KIF1A: variants seen among roughly 807,000 people sequenced by gnomAD.
KIF1A encodes kinesin-like protein KIF1A.
In KIF1A, 46 loss-of-function variants were observed where a neutral mutation model predicts 227.3. The observed-to-expected ratio is 0.20, with a 90% CI of 0.16 to 0.26. The LOEUF (loss-of-function observed/expected upper bound fraction) is 0.26. Among genes scored for constraint, KIF1A ranks in the 10% least tolerant of loss-of-function variants. The pLI is 1.00. For synonymous variants in KIF1A, 1,022 were observed against 1,012.8 expected (o/e 1.01, Z -0.17); for missense variants, 1,683 against 2,485.9 (o/e 0.68, Z 6.87).
chr2:240,750,575 G>A, intron 27 of KIF1A, 28 bp from the exon 28 acceptor site: 1 of 1,512,820 alleles, frequency 6.6e-7, no homozygotes, highest in Non-Finnish European at 9.2e-7. Context: ...CGGCGGTCAT[G>A]GGCCACCCCT....
At chr2:240,762,128 G>A (rs1295351827) in intron 23 of KIF1A, among the ~76,000 whole-genome samples, 1 of 147,892 alleles carries the variant, frequency 6.8e-6, no homozygotes, top group Non-Finnish European at 1.5e-5. Flanking sequence ...GGCCAAACAG[G>A]GGAAGATACC....
intron 10 of KIF1A, among the ~76,000 whole-genome samples, chr2:240,779,033 TCCACACTCAGTC>T (rs2053164546): frequency 6.6e-6 from 1 of 151,836 alleles, no homozygotes; most frequent in Non-Finnish European, 1.5e-5. Context: ...CACACTCAGT[TCCACACTCAGTC>T]CCTCACTCAG....
chr2:240,802,191 A>G (rs2057034159), intron 1 of KIF1A, among the ~76,000 whole-genome samples: 2 of 152,116 alleles, frequency 1.3e-5, no homozygotes, highest in African/African-American at 4.8e-5. Context: ...AAAAGACAAG[A>G]CTGCAAGATT....
In KIF1A at chr2:240,766,772, C is replaced by CACACACACAA. The variant is rs2051257904; in HGVS notation, c.1684+142_1684+143insTTGTGTGTGT. On this transcript the variant is annotated intron_variant, in intron 19 of 48. Coordinates refer to ENST00000498729, the MANE Select transcript of KIF1A (RefSeq NM_001244008.2). The surrounding 1 kb of genome is among the most constrained non-coding windows in gnomAD (Gnocchi z 5.0). ...TCTCACACACACACACACACACACA[C>CACACACACAA]ACACACACACACACGTCCTGCCTAG... The CACACACACAA allele has an allele frequency of 1.6e-6, 1 of 619,222 alleles. No individual in the cohort carries two copies. Among genetic ancestry groups the CACACACACAA allele is most frequent in the African/African-American group, 1.8e-5 (1 of 55,026 alleles). The allele number at this position is 619,222 out of a possible 1,614,324, so 38.4% of individuals were successfully genotyped here. A position where few individuals can be genotyped will look rare whatever the true frequency, so the allele number is the denominator to read the frequency against.
Position 240,786,409 on chromosome 2 carries a change from C to T in KIF1A, c.534G>A (p.Val178=), listed in dbSNP as rs1212898248. The change falls in exon 6 of 49, where the codon GTG becomes GTA. Residue 178 remains valine, a synonymous_variant. Transcript: ENST00000498729. ...VREHPLLGPY[V]EDLSKLAVTS... is the part of the protein sequence containing the mutation. ...TGACAGCCAGCTTGGAGAGGTCCTC[C>T]ACGTAGGGCCCCAGCAGTGGGTGCT... The T allele has an allele frequency of 2.5e-6, 4 of 1,613,692 alleles. No individual in the cohort carries two copies. Among genetic ancestry groups the T allele is most frequent in the East Asian group, 2.2e-5 (1 of 44,878 alleles).
intron 24 of KIF1A, 64 bp from the exon 25 acceptor site, chr2:240,760,907 A>G: frequency 6.8e-7 from 1 of 1,470,966 alleles, no homozygotes; most frequent in Non-Finnish European, 9.2e-7. Context: ...GTCCCCAAAA[A>G]GGCTTCCTTC....
intron 45 of KIF1A, chr2:240,720,677 C>T (rs2045239392): frequency 1.3e-5 from 5 of 375,048 alleles, no homozygotes; most frequent in Non-Finnish European, 2.4e-5. Flanking sequence ...CCACCCATTT[C>T]TGGTCTTCTT....
intron 13 of KIF1A, among the ~76,000 whole-genome samples, chr2:240,772,809 C>T (rs944450195): frequency 3.3e-5 from 5 of 152,196 alleles, no homozygotes; most frequent in Non-Finnish European, 7.3e-5. Context: ...CCAGGGGAGC[C>T]GTCTCTGGCC....
intron 10 of KIF1A, among the ~76,000 whole-genome samples, chr2:240,780,111 C>A (rs1203904686): frequency 6.6e-6 from 1 of 151,986 alleles, no homozygotes; most frequent in African/African-American, 2.4e-5. Flanking sequence ...CACGCTTCCC[C>A]ACAGTGTCCT....
intron 7 of KIF1A, among the ~76,000 whole-genome samples, chr2:240,784,777 C>T (rs1265643371): frequency 6.6e-6 from 1 of 151,850 alleles, no homozygotes; most frequent in Non-Finnish European, 1.5e-5. Flanking sequence ...TGGCCTGGTC[C>T]ATGGAGAATG....
chr2:240,750,637 A>C, intron 27 of KIF1A, 90 bp from the exon 28 acceptor site: 1 of 938,120 alleles, frequency 1.1e-6, no homozygotes, highest in Non-Finnish European at 1.7e-6. Context: ...CTCACGACAC[A>C]ACATGGAGCT....
At chr2:240,800,299 G>A (rs1322280711) in intron 1 of KIF1A, among the ~76,000 whole-genome samples, 4 of 152,184 alleles carry the variant, frequency 2.6e-5, no homozygotes, top group Non-Finnish European at 5.9e-5. Context: ...CTTGGCTCTG[G>A]GGTATGGAAT....
intron 4 of KIF1A, 148 bp downstream of exon 4, chr2:240,787,903 C>T (rs534416359): frequency 3.6e-5 from 26 of 723,494 alleles, no homozygotes; most frequent in South Asian, 1.3e-4. Flanking sequence ...TCACCTGCCC[C>T]AGCCCCACTC....
In KIF1A at chr2:240,719,089, C is replaced by A. The variant is rs199574770; in HGVS notation, c.5131G>T (p.Asp1711Tyr). ...ACGAACCGCTCCACGGTGTCCTTGT[C>A]GCTGTTGTACATGTAGGCATAGGGG... ...RRPYAYMYNSDKDTVERFVLN... is the reference protein window; with the variant it reads ...RRPYAYMYNSYKDTVERFVLN... Residue 1711 changes from aspartate to tyrosine, a missense_variant, in exon 47 of 49, where the codon GAC becomes TAC. By Grantham distance (160) the Asp-to-Tyr change is radical. Transcript: ENST00000498729. 6.2e-7 allele frequency: 1 copy of A among 1,612,678 alleles called. No homozygotes were observed. Among genetic ancestry groups the A allele is most frequent in the Non-Finnish European group, 8.5e-7 (1 of 1,179,776 alleles).
At position 240,725,224 on chromosome 2, in the gene KIF1A, C is replaced by T. The variant is rs746994605; in HGVS notation, c.4256+47G>A. On this transcript the variant is annotated intron_variant, in intron 40 of 48. Transcript: ENST00000498729. The surrounding 1 kb of genome is among the most constrained non-coding windows in gnomAD (Gnocchi z 5.8). ...AGGCAGAGCCCTGCCTGGCCCGCAC[C>T]GAGACCAGGGTGGGAGTCCATGTGG... 22 of 1,559,950 alleles carry T rather than the reference C, an allele frequency of 1.4e-5. No homozygotes were observed. Among genetic ancestry groups the T allele is most frequent in the South Asian group, 3.5e-5 (3 of 85,090 alleles).
In KIF1A at chr2:240,742,975, C is replaced by T; in HGVS notation, c.3594G>A (p.Arg1198=). The T allele has an allele frequency of 6.2e-7, 1 of 1,609,888 alleles. No homozygotes were observed. Among genetic ancestry groups the T allele is most frequent in the Non-Finnish European group, 8.5e-7 (1 of 1,177,894 alleles). ...CCCGAGGGAAGTGGCGGCGCGAGGG[C>T]CTCAGGGGGCTGTGGAGAAAGGACC... ...PLCKDVLSPL[R]PSRRHFPRVM... is the part of the protein sequence containing the mutation. Residue 1198 remains arginine (R), a synonymous_variant, in exon 34 of 49, where the codon AGG becomes AGA. Transcript: ENST00000498729.
At chr2:240,795,226 T>C (rs879773159) in intron 2 of KIF1A, among the ~76,000 whole-genome samples, 5 of 152,104 alleles carry the variant, frequency 3.3e-5, no homozygotes, top group Non-Finnish European at 5.9e-5. Flanking sequence ...GCTCAGAGCT[T>C]ACTGGGGAGC....
At chr2:240,806,870 T>G (rs1205273040) in intron 1 of KIF1A, among the ~76,000 whole-genome samples, 2 of 152,126 alleles carry the variant, frequency 1.3e-5, no homozygotes, top group Non-Finnish European at 2.9e-5. Context: ...CCACCATACA[T>G]TTGTTTAAAA....
At chr2:240,733,812 C>T (rs1055598198) in intron 38 of KIF1A, among the ~76,000 whole-genome samples, 2 of 152,218 alleles carry the variant, frequency 1.3e-5, no homozygotes, top group South Asian at 4.1e-4. Context: ...ACTTCACAAA[C>T]GCCACCCCAC....
Sources: gnomAD v4.1 joint callset for allele counts (sites outside exome capture counted in the v4.1 genomes callset) on GRCh38, gnomAD v4.1.1 for gene constraint, Gnocchi (gnomAD v3.1) non-coding constraint, MANE v1.5 for transcripts, NCBI Gene and HGNC (gene_info 2026-07-23, HGNC 2026-07-21) for gene names.